The following KHDRBS2 variants were observed in gnomAD, a reference collection of about 807,000 sequenced individuals.
The protein encoded by KHDRBS2 is KH domain-containing, RNA-binding, signal transduction-associated protein 2.
KHDRBS2 carries 26 observed loss-of-function variants against 44.3 expected under a neutral mutation model. The observed-to-expected ratio is 0.59, with a 90% confidence interval of 0.43 to 0.81. KHDRBS2 has a LOEUF of 0.81. Ranked by LOEUF, KHDRBS2 falls within the 40% of genes least tolerant of loss-of-function variation. The pLI is 0.00. For synonymous variants in KHDRBS2, 194 were observed against 151.1 expected, an observed-to-expected ratio of 1.28 and a Z score of -2.08; for missense variants, 476 against 433.1, an observed-to-expected ratio of 1.10 and a Z score of -0.88.
At position 61,790,133 on chromosome 6, in the gene KHDRBS2, G is replaced by C. The variant is rs551522139; in HGVS notation, c.811-57369C>G. Among the ~76,000 whole-genome samples the C allele has an allele frequency of 3.3e-5, 5 of 151,374 alleles. No homozygotes were observed. In the East Asian group the frequency reaches 9.7e-4, roughly 29 times the overall value. ...GATTGTACTGACCAAAATGAAAAACGTGTTTTCCATTTAGGGGTGCTTTTC... is the reference window on the plus strand; with the variant it reads ...GATTGTACTGACCAAAATGAAAAACCTGTTTTCCATTTAGGGGTGCTTTTC... On this transcript the variant is annotated intron_variant, in intron 6 of 8. Transcript: ENST00000281156.
In KHDRBS2 at chr6:61,984,476, G is replaced by A. The variant is rs545258327; in HGVS notation, c.337-6264C>T. ...AGCTAAAGAAGCAGAAAAAAAATAC[G>A]TTCTGAACATCCATAATCTTACTGA... On this transcript the variant is annotated intron_variant, in intron 3 of 8. Transcript: ENST00000281156. Among the ~76,000 whole-genome samples the A allele has an allele frequency of 1.2e-4, 18 of 152,014 alleles. 1 individual carries two copies. Among genetic ancestry groups the A allele is most frequent in the South Asian group, 1.1e-3 (5 of 4,676 alleles).
intron 3 of KHDRBS2, among the ~76,000 whole-genome samples, chr6:62,010,297 A>T (rs773497377): frequency 6.6e-6 from 1 of 152,192 alleles, no homozygotes; most frequent in South Asian, 2.1e-4. Context: ...AATTTCTCCC[A>T]TTTGGAATGC....
chr6:62,067,807 T>G (rs1362404878), intron 2 of KHDRBS2, among the ~76,000 whole-genome samples: 1 of 151,624 alleles, frequency 6.6e-6, no homozygotes, highest in African/African-American at 2.4e-5. Flanking sequence ...TTACCTAGAC[T>G]GCACATTTTA....
chr6:62,047,313 T>C (rs1428560771), intron 3 of KHDRBS2, among the ~76,000 whole-genome samples: 2 of 151,940 alleles, frequency 1.3e-5, no homozygotes, highest in African/African-American at 4.8e-5. Context: ...AGATGTGAAA[T>C]AAATCATTTC....
intron 3 of KHDRBS2, among the ~76,000 whole-genome samples, chr6:61,992,884 T>C (rs1251396056): frequency 6.6e-6 from 1 of 152,176 alleles, no homozygotes; most frequent in Admixed American, 6.5e-5. Flanking sequence ...GTAAACTTAA[T>C]GAATGCTCTA....
At chr6:62,019,466 A>G (rs1220775266) in intron 3 of KHDRBS2, among the ~76,000 whole-genome samples, 1 of 152,064 alleles carries the variant, frequency 6.6e-6, no homozygotes, top group Non-Finnish European at 1.5e-5. Context: ...TCATAGAATG[A>G]ACTGGGAAAT....
At chr6:62,223,345 A>G (rs1276324686) in intron 1 of KHDRBS2, among the ~76,000 whole-genome samples, 1 of 152,182 alleles carries the variant, frequency 6.6e-6, no homozygotes, top group African/African-American at 2.4e-5. Context: ...CAGGGCACTA[A>G]GTACCTAGGC....
At chr6:61,953,335 G>T (rs1765165692) in intron 4 of KHDRBS2, among the ~76,000 whole-genome samples, 2 of 151,958 alleles carry the variant, frequency 1.3e-5, no homozygotes, top group Admixed American at 1.3e-4. Flanking sequence ...TACAAGACTT[G>T]TAAAAATTAT....
chr6:61,815,790 G>C (rs1582984214), intron 6 of KHDRBS2, among the ~76,000 whole-genome samples: 1 of 152,130 alleles, frequency 6.6e-6, no homozygotes, highest in African/African-American at 2.4e-5. Context: ...CTTTATTCTT[G>C]ATCAGGTTTT....
At chr6:61,690,651 T>C (rs1287317630) in intron 8 of KHDRBS2, among the ~76,000 whole-genome samples, 2 of 152,024 alleles carry the variant, frequency 1.3e-5, no homozygotes, top group Non-Finnish European at 2.9e-5. Flanking sequence ...ACAGTTTTTA[T>C]AAAGTGGACT....
At chr6:62,145,224 C>T (rs1240841732) in intron 2 of KHDRBS2, among the ~76,000 whole-genome samples, 1 of 151,500 alleles carries the variant, frequency 6.6e-6, no homozygotes, top group African/African-American at 2.4e-5. Context: ...ATAATGGTTA[C>T]ATCCAATATA....
chr6:61,789,954 T>C (rs1453915479), intron 6 of KHDRBS2, among the ~76,000 whole-genome samples: 3 of 151,484 alleles, frequency 2.0e-5, no homozygotes, highest in African/African-American at 7.2e-5. Flanking sequence ...ATGATTATTA[T>C]AATGCTAATT....
At chr6:61,945,665 TTCTA>T (rs1011548855) in intron 4 of KHDRBS2, among the ~76,000 whole-genome samples, 12 of 134,088 alleles carry the variant, frequency 8.9e-5, no homozygotes, top group Admixed American at 7.5e-4. Flanking sequence ...TTCAATTTTT[TTCTA>T]CTATTTTTAT....
chr6:62,279,585 AGT>A (rs1841511504), intron 1 of KHDRBS2, among the ~76,000 whole-genome samples: 1 of 152,210 alleles, frequency 6.6e-6, no homozygotes, highest in African/African-American at 2.4e-5. Flanking sequence ...GTTGCAATGT[AGT>A]AGTGGTGGAT....
chr6:62,101,979 A>C (rs1173182430), intron 2 of KHDRBS2, among the ~76,000 whole-genome samples: 1 of 152,226 alleles, frequency 6.6e-6, no homozygotes, highest in African/African-American at 2.4e-5. Flanking sequence ...ATATCTGTGG[A>C]TCTTTTTCCT....
intron 6 of KHDRBS2, among the ~76,000 whole-genome samples, chr6:61,763,301 T>A (rs868307083): frequency 6.6e-6 from 1 of 152,310 alleles, no homozygotes; most frequent in Admixed American, 6.5e-5. Context: ...AATAAATAAT[T>A]GGATAAACAA....
intron 3 of KHDRBS2, among the ~76,000 whole-genome samples, chr6:61,987,965 G>A (rs972201439): frequency 1.4e-5 from 2 of 145,888 alleles, no homozygotes; most frequent in Non-Finnish European, 2.9e-5. Flanking sequence ...ATTCATGAAG[G>A]GCACAGAAAG....
intron 4 of KHDRBS2, among the ~76,000 whole-genome samples, chr6:61,967,110 A>G (rs1770147384): frequency 6.6e-6 from 1 of 151,680 alleles, no homozygotes; most frequent in East Asian, 1.9e-4. Context: ...TTGTTCATTT[A>G]AAGTCATACA....
chr6:61,786,322 T>G (rs1262173644), intron 6 of KHDRBS2, among the ~76,000 whole-genome samples: 9 of 152,054 alleles, frequency 5.9e-5, no homozygotes, highest in Non-Finnish European at 8.8e-5. Context: ...TTTAAGTGAA[T>G]CTCTTATGAA....
Sources: gnomAD v4.1 joint callset for allele counts (sites outside exome capture counted in the v4.1 genomes callset) on GRCh38, gnomAD v4.1.1 for gene constraint, MANE v1.5 for transcripts, NCBI Gene and HGNC (gene_info 2026-07-23, HGNC 2026-07-21) for gene names.